Variants in SLC2A13 observed in about 807,000 individuals in gnomAD.
SLC2A13 encodes solute carrier family 2 member 13, also known as proton myo-inositol cotransporter.
Under a neutral mutation model 64.4 loss-of-function variants are expected in SLC2A13, and 32 were observed. That is an observed-to-expected ratio of 0.50 (90% CI 0.37 to 0.67). The LOEUF (loss-of-function observed/expected upper bound fraction) is 0.67. SLC2A13 is among the 30% of genes least tolerant of loss of function. The probability of loss-of-function intolerance (pLI) is 0.00; values close to 1 mark genes in which losing one functional copy is unlikely to be tolerated. For synonymous variants in SLC2A13, 338 were observed against 327.1 expected (o/e 1.03, Z -0.36); for missense variants, 743 against 829.2 (o/e 0.90, Z 1.28).
In SLC2A13 at chr12:40,105,260, G is replaced by T; in HGVS notation, c.549C>A (p.Leu183=). Residue 183 remains leucine (L), a synonymous_variant, in exon 1 of 10, where the codon CTC becomes CTA. Coordinates refer to ENST00000280871, the MANE Select transcript of SLC2A13 (RefSeq NM_052885.4). This position sits in a 1 kb window ranked among gnomAD's most constrained non-coding sequence, Gnocchi z 4.2. ...TLLAGRLVVG[L]GIGIASMTVP... ...CACGGAGCCCGAACTCACCGATGCCGAGTCCCACGACCAGGCGGCCGGCGA... is the reference window on the plus strand; with the variant it reads ...CACGGAGCCCGAACTCACCGATGCCTAGTCCCACGACCAGGCGGCCGGCGA... 6.3e-7 allele frequency: 1 copy of T among 1,592,214 alleles called. No individual in the cohort carries two copies. Among genetic ancestry groups the T allele is most frequent in the Non-Finnish European group, 8.5e-7 (1 of 1,172,244 alleles).
intron 3 of SLC2A13, among the ~76,000 whole-genome samples, chr12:39,980,523 C>T: frequency 6.6e-6 from 1 of 151,624 alleles, no homozygotes; most frequent in East Asian, 1.9e-4. Context: ...GGGTTGCAAT[C>T]CTAGTCTCTG....
intron 7 of SLC2A13, among the ~76,000 whole-genome samples, chr12:39,797,725 TAA>T (rs1941622830): frequency 2.0e-5 from 2 of 100,226 alleles, no homozygotes; most frequent in African/African-American, 7.7e-5. Flanking sequence ...CCAGTTATGG[TAA>T]ACACACACAC....
chr12:39,772,849 C>CA (rs908375748), intron 7 of SLC2A13, among the ~76,000 whole-genome samples: 19 of 132,600 alleles, frequency 1.4e-4, no homozygotes, highest in Middle Eastern at 3.7e-3. Flanking sequence ...TTTACATGTG[C>CA]AAAAAAAAGG....
intron 4 of SLC2A13, among the ~76,000 whole-genome samples, chr12:39,911,156 T>C (rs1017790316): frequency 6.6e-6 from 1 of 151,978 alleles, no homozygotes; most frequent in Non-Finnish European, 1.5e-5. Flanking sequence ...TTAAGTTACT[T>C]TGCACTCTAA....
At chr12:40,094,351 G>A (rs577333991) in intron 1 of SLC2A13, among the ~76,000 whole-genome samples, 3 of 152,288 alleles carry the variant, frequency 2.0e-5, no homozygotes, top group South Asian at 4.1e-4. Context: ...ATCCCCAAAG[G>A]AGTAAATGTA....
At chr12:39,862,179 T>C (rs577496339) in intron 6 of SLC2A13, among the ~76,000 whole-genome samples, 110 of 152,312 alleles carry the variant, frequency 7.2e-4, no homozygotes, top group Admixed American at 3.1e-3. Flanking sequence ...ATCAAAAACT[T>C]AAAATATTCT....
intron 3 of SLC2A13, among the ~76,000 whole-genome samples, chr12:40,001,913 T>G (rs1158878378): frequency 6.6e-6 from 1 of 152,172 alleles, no homozygotes; most frequent in Non-Finnish European, 1.5e-5. Context: ...GTAAACATAA[T>G]AAAGTTTCAA....
chr12:39,942,112 C>T (rs1051902683), intron 4 of SLC2A13, among the ~76,000 whole-genome samples: 3 of 152,232 alleles, frequency 2.0e-5, no homozygotes, highest in Middle Eastern at 3.4e-3. Flanking sequence ...GTGACTATGG[C>T]CTTACAGTAT....
intron 4 of SLC2A13, among the ~76,000 whole-genome samples, chr12:39,878,063 A>G (rs550529129): frequency 6.6e-6 from 1 of 152,316 alleles, no homozygotes; most frequent in East Asian, 1.9e-4. Flanking sequence ...CCATAATTGC[A>G]GGCTTCCTAA....
At chr12:39,838,209 G>A (rs544812962) in intron 6 of SLC2A13, among the ~76,000 whole-genome samples, 7 of 151,044 alleles carry the variant, frequency 4.6e-5, no homozygotes, top group Non-Finnish European at 7.4e-5. Flanking sequence ...GATGAAATTG[G>A]AAATCATCAT....
chr12:39,896,254 A>T (rs1408589698), intron 4 of SLC2A13, among the ~76,000 whole-genome samples: 1 of 99,742 alleles, frequency 1.0e-5, no homozygotes, highest in Non-Finnish European at 2.3e-5. Flanking sequence ...GTATACATGT[A>T]TGTATATGTG....
At chr12:40,060,480 C>T (rs1244415776) in intron 1 of SLC2A13, among the ~76,000 whole-genome samples, 2 of 152,076 alleles carry the variant, frequency 1.3e-5, no homozygotes, top group Admixed American at 1.3e-4. Flanking sequence ...GGAAAATTCC[C>T]ATGTACACTG....
At chr12:39,775,285 G>A (rs1230187035) in intron 7 of SLC2A13, among the ~76,000 whole-genome samples, 1 of 152,210 alleles carries the variant, frequency 6.6e-6, no homozygotes, top group Non-Finnish European at 1.5e-5. Context: ...GAAGACTGGT[G>A]AAAATGAAGT....
At chr12:40,072,642 A>T (rs1938007240) in intron 1 of SLC2A13, among the ~76,000 whole-genome samples, 1 of 152,142 alleles carries the variant, frequency 6.6e-6, no homozygotes, top group Admixed American at 6.5e-5. Flanking sequence ...TTTATCCCTG[A>T]TAACTTTACT....
intron 1 of SLC2A13, among the ~76,000 whole-genome samples, chr12:40,080,355 T>C (rs1319277764): frequency 6.6e-6 from 1 of 152,174 alleles, no homozygotes; most frequent in African/African-American, 2.4e-5. Flanking sequence ...CGTCACACTC[T>C]GCCTTCAAAG....
intron 4 of SLC2A13, among the ~76,000 whole-genome samples, chr12:39,920,254 T>C (rs1194433513): frequency 2.0e-5 from 3 of 152,110 alleles, no homozygotes; most frequent in African/African-American, 2.4e-5. Flanking sequence ...ACCCTAAATA[T>C]ATGTGTGTAT....
intron 3 of SLC2A13, among the ~76,000 whole-genome samples, chr12:39,998,581 G>A (rs1304086209): frequency 1.3e-5 from 2 of 152,026 alleles, no homozygotes; most frequent in African/African-American, 4.8e-5. Flanking sequence ...CCTTTGTTTT[G>A]GCCAATTTCT....
At chr12:39,797,202 A>C (rs1941606051) in intron 7 of SLC2A13, among the ~76,000 whole-genome samples, 1 of 152,206 alleles carries the variant, frequency 6.6e-6, no homozygotes, top group Non-Finnish European at 1.5e-5. Flanking sequence ...AGCCTGATTT[A>C]AAGTAAGCAC....
At chr12:39,918,691 A>G (rs1263182851) in intron 4 of SLC2A13, among the ~76,000 whole-genome samples, 2 of 151,942 alleles carry the variant, frequency 1.3e-5, no homozygotes, top group Non-Finnish European at 2.9e-5. Context: ...TGTATACAAA[A>G]TAGGATGGTG....
Sources: allele counts gnomAD v4.1 joint callset (sites outside exome capture counted in the v4.1 genomes callset), GRCh38; gene constraint gnomAD v4.1.1; non-coding constraint Gnocchi (gnomAD v3.1); transcripts MANE v1.5; gene names NCBI Gene and HGNC (gene_info 2026-07-23, HGNC 2026-07-21).